AKAP6: variants seen among roughly 807,000 people sequenced by gnomAD.
AKAP6 encodes A-kinase anchor protein 6.
A neutral mutation model predicts 188.5 loss-of-function variants in AKAP6; 58 were observed. That is an observed-to-expected ratio of 0.31 (90% CI 0.25 to 0.38). The LOEUF (loss-of-function observed/expected upper bound fraction) is 0.38, where lower values mean the gene tolerates loss of function less well. AKAP6 is among the 10% of genes least tolerant of loss of function. AKAP6 has a pLI of 1.00. For synonymous variants in AKAP6, 989 were observed against 998.6 expected (o/e 0.99, Z 0.18); for missense variants, 2,710 against 2,740.0 (o/e 0.99, Z 0.24).
At chr14:32,796,537 C>A (rs2033773490) in intron 12 of AKAP6, among the ~76,000 whole-genome samples, 1 of 152,176 alleles carries the variant, frequency 6.6e-6, no homozygotes, top group African/African-American at 2.4e-5. Flanking sequence ...GGGGAAAGGA[C>A]TCCCTATTTA....
At chr14:32,810,076 C>T (rs1175158809) in intron 12 of AKAP6, among the ~76,000 whole-genome samples, 1 of 152,136 alleles carries the variant, frequency 6.6e-6, no homozygotes, top group Non-Finnish European at 1.5e-5. Flanking sequence ...AGGCATGGCC[C>T]AGGTAATCAA....
At chr14:32,694,266 CAGG>C (rs1004965485) in intron 8 of AKAP6, among the ~76,000 whole-genome samples, 2 of 151,404 alleles carry the variant, frequency 1.3e-5, no homozygotes, top group Non-Finnish European at 2.9e-5. Context: ...GAGGCTGAGG[CAGG>C]AGAATGGTGT....
intron 7 of AKAP6, among the ~76,000 whole-genome samples, chr14:32,663,225 T>G (rs1888778999): frequency 6.6e-6 from 1 of 152,126 alleles, no homozygotes; most frequent in African/African-American, 2.4e-5. Flanking sequence ...TGTTTTCTAG[T>G]ACAAGAAGAT....
At chr14:32,550,963 T>A (rs1883434253) in intron 4 of AKAP6, among the ~76,000 whole-genome samples, 1 of 152,196 alleles carries the variant, frequency 6.6e-6, no homozygotes, top group Non-Finnish European at 1.5e-5. Context: ...AGAGTGATCC[T>A]TTTAAAAGAT....
At chr14:32,387,136 A>G (rs1020727519) in intron 1 of AKAP6, among the ~76,000 whole-genome samples, 6 of 151,986 alleles carry the variant, frequency 3.9e-5, no homozygotes, top group Non-Finnish European at 7.4e-5. Context: ...TGTGTACGTT[A>G]ATTTTGTTTC....
intron 9 of AKAP6, among the ~76,000 whole-genome samples, chr14:32,729,681 G>A (rs1317132211): frequency 6.6e-6 from 1 of 152,052 alleles, no homozygotes; most frequent in Non-Finnish European, 1.5e-5. Flanking sequence ...TGTAAATATG[G>A]CCTTTCAAGA....
rs570996355 is a variant in AKAP6 at position 32,467,229 on chromosome 14, A to G, written c.324+33412A>G. ...GTTGGAAGGAAAAAAAAACAAAAAC[A>G]AAAAGAAGAGTTCTTATCTTTTAGC... On this transcript the variant is annotated intron_variant, in intron 2 of 13. Transcript: ENST00000280979. Among the ~76,000 whole-genome samples the G allele has an allele frequency of 7.9e-3, 1,198 of 151,878 alleles. 8 individuals carry two copies. The highest frequency in any genetic ancestry group is 0.014 in the Non-Finnish European group (944 of 67,982).
chr14:32,601,460 T>C (rs564872480), intron 7 of AKAP6, among the ~76,000 whole-genome samples: 1 of 152,338 alleles, frequency 6.6e-6, no homozygotes, highest in Admixed American at 6.5e-5. Flanking sequence ...AATTGAACTT[T>C]AAATGAGGCA....
chr14:32,828,242 T>G (rs1450870992), intron 13 of AKAP6, among the ~76,000 whole-genome samples: 1 of 152,156 alleles, frequency 6.6e-6, no homozygotes, highest in African/African-American at 2.4e-5. Flanking sequence ...ACAGCACAAT[T>G]CCCATTCTGT....
At chr14:32,600,583 A>G (rs1566598027) in intron 6 of AKAP6, 46 bp from the exon 7 acceptor site, 3 of 1,540,800 alleles carry the variant, frequency 1.9e-6, no homozygotes, top group East Asian at 2.3e-5. Flanking sequence ...ATGAGTAAAG[A>G]TTCATTCAGG....
chr14:32,794,677 C>A (rs988275497), intron 12 of AKAP6, among the ~76,000 whole-genome samples: 1 of 152,118 alleles, frequency 6.6e-6, no homozygotes, highest in Non-Finnish European at 1.5e-5. Context: ...GCACTAAATG[C>A]CCATATCAAA....
intron 1 of AKAP6, among the ~76,000 whole-genome samples, chr14:32,353,088 G>T (rs1887347329): frequency 6.6e-6 from 1 of 151,590 alleles, no homozygotes. Flanking sequence ...AGCCATTCTA[G>T]TTGGGGTGCC....
At chr14:32,367,316 T>G (rs1885722) in intron 1 of AKAP6, among the ~76,000 whole-genome samples, 142,999 of 152,310 alleles carry the variant, frequency 0.94, 67,373 homozygotes, top group Non-Finnish European at 0.98. Context: ...GAAAGCATGA[T>G]TTAAGAATAT....
At chr14:32,641,544 A>G (rs1050007662) in intron 7 of AKAP6, among the ~76,000 whole-genome samples, 1 of 151,726 alleles carries the variant, frequency 6.6e-6, no homozygotes, top group African/African-American at 2.4e-5. Flanking sequence ...TGAAGGACTT[A>G]TGTTAACTAA....
intron 2 of AKAP6, among the ~76,000 whole-genome samples, chr14:32,513,966 C>T (rs545063151): frequency 5.3e-5 from 8 of 152,212 alleles, no homozygotes; most frequent in African/African-American, 1.9e-4. Context: ...TGGAATACCA[C>T]ATCATGTTAA....
intron 7 of AKAP6, among the ~76,000 whole-genome samples, chr14:32,630,558 C>T (rs1379982414): frequency 1.3e-5 from 2 of 151,906 alleles, no homozygotes; most frequent in Non-Finnish European, 2.9e-5. Context: ...AGAAAAAATT[C>T]CTATCAAGGC....
intron 4 of AKAP6, among the ~76,000 whole-genome samples, chr14:32,558,034 C>T (rs1336020516): frequency 3.3e-5 from 5 of 151,920 alleles, no homozygotes; most frequent in African/African-American, 9.7e-5. Context: ...AAATATGTAT[C>T]CAAAAAGTCA....
At chr14:32,789,860 T>C (rs759610175) in intron 12 of AKAP6, among the ~76,000 whole-genome samples, 1 of 152,054 alleles carries the variant, frequency 6.6e-6, no homozygotes, top group Non-Finnish European at 1.5e-5. Flanking sequence ...CAGAACTGGG[T>C]TGGGGCTGAG....
chr14:32,814,145 T>A (rs1273404347), intron 12 of AKAP6, among the ~76,000 whole-genome samples: 1 of 152,214 alleles, frequency 6.6e-6, no homozygotes, highest in African/African-American at 2.4e-5. Context: ...CCTGTACTTG[T>A]TTCTTCATGC....
Sources: gnomAD v4.1 joint callset for allele counts (sites outside exome capture counted in the v4.1 genomes callset) on GRCh38, gnomAD v4.1.1 for gene constraint, MANE v1.5 for transcripts, NCBI Gene and HGNC (gene_info 2026-07-23, HGNC 2026-07-21) for gene names.